Variants in PXMP2 observed in about 807,000 individuals in gnomAD.
The protein encoded by PXMP2 is peroxisomal membrane protein 2, also known as 22 kDa peroxisomal membrane protein.
In PXMP2, 13 loss-of-function variants were observed where a neutral mutation model predicts 20.2. That is an observed-to-expected ratio of 0.64 (90% CI 0.42 to 1.02). The LOEUF is 1.02. Among genes scored for constraint, PXMP2 ranks in the 50% least tolerant of loss-of-function variants. The pLI is 0.00. For missense variants in PXMP2, 284 were observed against 251.8 expected (o/e 1.13, Z -0.87); for synonymous variants, 113 against 111.2 (o/e 1.02, Z -0.10).
intron 2 of PXMP2, among the ~76,000 whole-genome samples, chr12:132,690,735 T>C (rs2043361487): frequency 6.6e-6 from 1 of 152,024 alleles, no homozygotes; most frequent in South Asian, 2.1e-4. Context: ...TTAGTAGAGA[T>C]GGGGTTTCAC....
chr12:132,698,389 C>T (rs11147007), intron 3 of PXMP2, among the ~76,000 whole-genome samples: 5,896 of 152,288 alleles, frequency 0.039, 377 homozygotes, highest in African/African-American at 0.13. Context: ...TGTATTCAAA[C>T]ATGACATTAT....
chr12:132,701,490 G>A lies in PXMP2; in HGVS notation c.519+121G>A, dbSNP rs539853490. Reference sequence around the variant, plus strand: ...TCTTTTCTCTTCTCTTCTTTCTTTGGTAGTTTTCCGCTAGACTTAGTTTCA... The same window carrying A: ...TCTTTTCTCTTCTCTTCTTTCTTTGATAGTTTTCCGCTAGACTTAGTTTCA... On this transcript the variant is annotated intron_variant, in intron 4 of 4. Transcript: ENST00000317479. 1.4e-5 allele frequency: 17 copies of A among 1,250,788 alleles called. No homozygotes were observed. In the African/African-American group the frequency reaches 3.4e-4, roughly 25 times the overall value. 77.5% of individuals were successfully genotyped at this position (1,250,788 alleles called of 1,614,324 possible).
intron 4 of PXMP2, 83 bp downstream of exon 4, chr12:132,701,452 C>A: frequency 1.3e-6 from 2 of 1,502,782 alleles, no homozygotes; most frequent in Non-Finnish European, 1.8e-6. Flanking sequence ...TCCTCCCCCC[C>A]TCCCTCCCCT....
chr12:132,690,531 A>G (rs1486456472), intron 2 of PXMP2, among the ~76,000 whole-genome samples, 155 bp downstream of exon 2: 2 of 152,066 alleles, frequency 1.3e-5, no homozygotes, highest in Admixed American at 6.6e-5. Context: ...AATGGTTCAT[A>G]TAGTTTGTAT....
At chr12:132,694,095 CAGTTAGTGAGCGCCCTTGCCAGTT>C (rs1593106000) in intron 2 of PXMP2, among the ~76,000 whole-genome samples, 1 of 84,580 alleles carries the variant, frequency 1.2e-5, no homozygotes, top group African/African-American at 4.2e-5. Flanking sequence ...CGCCCTTAGC[CAGTTAGTGAGCGCCCTTGCCAGTT>C]AGTTAGTGAG....
At chr12:132,702,468 G>A in intron 4 of PXMP2, 1 of 409,092 alleles carries the variant, frequency 2.4e-6, no homozygotes, top group South Asian at 1.7e-5. Context: ...GGAGGATGGG[G>A]TGCAGCACCC....
chr12:132,692,991 T>TA (rs201921618), intron 2 of PXMP2, among the ~76,000 whole-genome samples: 5 of 69,710 alleles, frequency 7.2e-5, no homozygotes, highest in South Asian at 5.2e-4. Flanking sequence ...TGAGCTCCCT[T>TA]GCCAGTTAGT....
At chr12:132,703,905 C>CG in intron 4 of PXMP2, among the ~76,000 whole-genome samples, 1 of 152,162 alleles carries the variant, frequency 6.6e-6, no homozygotes, top group East Asian at 1.9e-4. Flanking sequence ...ACAGACTGGC[C>CG]GGGAACACGG....
chr12:132,703,493 G>A (rs1332155956), intron 4 of PXMP2, among the ~76,000 whole-genome samples: 2 of 152,158 alleles, frequency 1.3e-5, no homozygotes, highest in African/African-American at 2.4e-5. Flanking sequence ...AGTGGTGCTT[G>A]GACAGAGGCC....
rs538468110 is a variant in PXMP2, at chr12:132,701,009, G to T, written c.400-241G>T. 2.0e-4 allele frequency among the ~76,000 whole-genome samples: 30 copies of T among 152,208 alleles called. No homozygotes were observed. In the South Asian group the frequency reaches 5.0e-3, roughly 25 times the overall value. The stretch of plus-strand genomic sequence containing the variant: ...CTCCAGTTGTCCGCAAGGAGTTTTG[G>T]GCCAGGACAGACATCACTGCCAGCA... On this transcript the variant is annotated intron_variant, in intron 3 of 4. Coordinates refer to ENST00000317479, the MANE Select transcript of PXMP2 (RefSeq NM_018663.3).
chr12:132,693,950 CAGTT>C lies in PXMP2; in HGVS notation c.237-1926_237-1923del, dbSNP rs1463119444. ...CCAGTTAGTTAGTGAGCGCCCTTGC[CAGTT>C]AGTTAGTGAGCTCCCTTAGCCAGTT... On this transcript the variant is annotated intron_variant, in intron 2 of 4. Coordinates refer to ENST00000317479, the MANE Select transcript of PXMP2 (RefSeq NM_018663.3). Among the ~76,000 whole-genome samples the C allele has an allele frequency of 1.2e-4, 12 of 96,944 alleles. 3 individuals carry two copies. The highest frequency in any genetic ancestry group is 1.9e-4 in the Admixed American group (2 of 10,330). The allele number at this position is 96,944 out of a possible 152,430, so 63.6% of individuals were successfully genotyped here. A position where few individuals can be genotyped will look rare whatever the true frequency, so the allele number is the denominator to read the frequency against.
At chr12:132,703,695 GC>G (rs1349799982) in intron 4 of PXMP2, among the ~76,000 whole-genome samples, 1 of 152,152 alleles carries the variant, frequency 6.6e-6, no homozygotes, top group African/African-American at 2.4e-5. Flanking sequence ...GGGAGAGCAT[GC>G]TGACTGCAGA....
In PXMP2 at chr12:132,704,770, C is replaced by G; in HGVS notation, c.*83C>G. Reference sequence around the variant, plus strand: ...CCAGCGAGAGCAGAACCAATCCAGTCAGGATGTCACTGACTCTAAATCAGG... The same window carrying G: ...CCAGCGAGAGCAGAACCAATCCAGTGAGGATGTCACTGACTCTAAATCAGG... On this transcript the variant is annotated 3_prime_UTR_variant, in exon 5 of 5. Transcript: ENST00000317479. The G allele has an allele frequency of 7.7e-7, 1 of 1,293,324 alleles. No individual in the cohort carries two copies. The highest frequency in any genetic ancestry group is 1.2e-5 in the South Asian group (1 of 82,064). 80.1% of individuals were successfully genotyped at this position (1,293,324 alleles called of 1,614,324 possible). A position where few individuals can be genotyped will look rare whatever the true frequency, so the allele number is the denominator to read the frequency against.
chr12:132,695,655 G>T (rs576392369), intron 2 of PXMP2, among the ~76,000 whole-genome samples: 2 of 152,350 alleles, frequency 1.3e-5, no homozygotes, highest in East Asian at 3.9e-4. Context: ...AACATAGCTA[G>T]GCGGGGACGC....
chr12:132,691,051 A>ATTT (rs35869908), intron 2 of PXMP2, among the ~76,000 whole-genome samples: 1 of 133,740 alleles, frequency 7.5e-6, no homozygotes, highest in African/African-American at 2.8e-5. Context: ...TGTTATTTTA[A>ATTT]TTTTTTTTTT....
At chr12:132,702,415 G>T in intron 4 of PXMP2, 1 of 326,438 alleles carries the variant, frequency 3.1e-6, no homozygotes, top group Non-Finnish European at 6.2e-6. Flanking sequence ...GGGATCAACT[G>T]TCTTTATGCA....
chr12:132,697,502 G>A (rs1246597226), intron 3 of PXMP2, among the ~76,000 whole-genome samples: 1 of 151,746 alleles, frequency 6.6e-6, no homozygotes, highest in African/African-American at 2.4e-5. Flanking sequence ...CTGCCTCCCG[G>A]GTTCAAACGA....
rs919164064 is a variant in PXMP2, at chr12:132,696,144, C to T, written c.399+98C>T. 6.6e-6 allele frequency: 9 copies of T among 1,362,754 alleles called. No individual in the cohort carries two copies. In the South Asian group the frequency reaches 1.3e-4, roughly 20 times the overall value. The allele number at this position is 1,362,754 out of a possible 1,614,324, so 84.4% of individuals were successfully genotyped here. A position where few individuals can be genotyped will look rare whatever the true frequency, so the allele number is the denominator to read the frequency against. On this transcript the variant is annotated intron_variant, in intron 3 of 4. Transcript: ENST00000317479. The surrounding 1 kb of genome is among the most constrained non-coding windows in gnomAD (Gnocchi z 4.4). The stretch of plus-strand genomic sequence containing the variant: ...GAATTCAGAGGGTCTGCAGATTTTT[C>T]ACTCAAATTGAAATTTTGCATTTTC...
chr12:132,700,042 CTT>C (rs147672956), intron 3 of PXMP2, among the ~76,000 whole-genome samples: 6 of 144,118 alleles, frequency 4.2e-5, no homozygotes, highest in Admixed American at 1.4e-4. Context: ...GTTTTTTGAC[CTT>C]TTTTTTTTTT....
Sources: gnomAD v4.1 joint callset for allele counts (sites outside exome capture counted in the v4.1 genomes callset) on GRCh38, gnomAD v4.1.1 for gene constraint, Gnocchi (gnomAD v3.1) non-coding constraint, MANE v1.5 for transcripts, NCBI Gene and HGNC (gene_info 2026-07-23, HGNC 2026-07-21) for gene names.